Variants in NEK6 observed in about 807,000 individuals in gnomAD.
NEK6 encodes serine/threonine-protein kinase Nek6.
In NEK6, 27 loss-of-function variants were observed where a neutral mutation model predicts 43.5. The ratio of observed to expected loss-of-function variants is 0.62; its 90% CI spans 0.46 to 0.86. The LOEUF (loss-of-function observed/expected upper bound fraction) is 0.86. NEK6 is among the 40% of genes least tolerant of loss of function. The pLI is 0.00. For missense variants in NEK6, 318 were observed against 414.4 expected (o/e 0.77, Z 2.02); for synonymous variants, 167 against 164.1 (o/e 1.02, Z -0.14).
chr9:124,302,065 T>A lies in NEK6; in HGVS notation c.90+11T>A. The A allele has an allele frequency of 1.3e-6, 2 of 1,575,380 alleles. No individual in the cohort carries two copies. Among genetic ancestry groups the A allele is most frequent in the Non-Finnish European group, 1.7e-6 (2 of 1,154,548 alleles). On this transcript the variant is annotated intron_variant, in intron 2 of 9. Coordinates refer to ENST00000320246, the MANE Select transcript of NEK6 (RefSeq NM_014397.6). Reference sequence around the variant, plus strand: ...CCTCCTGACCCACAGGTAAGCCCCTTACCTTTGTCTGCAGCACACTGAAGA... The same window carrying A: ...CCTCCTGACCCACAGGTAAGCCCCTAACCTTTGTCTGCAGCACACTGAAGA...
chr9:124,321,575 C>T lies in NEK6; in HGVS notation c.405+6C>T, dbSNP rs776744815. 5 of 1,586,440 alleles carry T rather than the reference C, an allele frequency of 3.2e-6. No individual in the cohort carries two copies. Among genetic ancestry groups the T allele is most frequent in the East Asian group, 2.2e-5 (1 of 44,758 alleles). On this transcript the variant is annotated splice_donor_region_variant and intron_variant, in intron 5 of 9. Transcript: ENST00000320246. Reference sequence around the variant, plus strand: ...ACCTCTCGCAGATGATCAAGGTGAGCGCCTGGCGGGGTGGGGGTGCTGGGG... The same window carrying T: ...ACCTCTCGCAGATGATCAAGGTGAGTGCCTGGCGGGGTGGGGGTGCTGGGG...
chr9:124,336,950 C>T (rs888662017), intron 7 of NEK6, among the ~76,000 whole-genome samples: 5 of 150,682 alleles, frequency 3.3e-5, no homozygotes, highest in Admixed American at 2.0e-4. Flanking sequence ...CAGAGGTGAT[C>T]GCACCACTGC....
At chr9:124,258,426 C>T (rs1200169995) in intron 1 of NEK6, 3 of 859,338 alleles carry the variant, frequency 3.5e-6, no homozygotes, top group South Asian at 5.3e-5. Context: ...GGACGACGGG[C>T]GGAGGAGTGT....
chr9:124,273,724 A>G (rs1187195722), intron 1 of NEK6, among the ~76,000 whole-genome samples: 1 of 152,236 alleles, frequency 6.6e-6, no homozygotes, highest in Non-Finnish European at 1.5e-5. Context: ...TGAGGAGGCT[A>G]AAGACTTCAG....
In NEK6 at chr9:124,343,063, GTCC is replaced by G. The variant is rs1829729388; in HGVS notation, c.717+3405_717+3407del. ...GCCTCACTGAATTCTGGCTCGGGCAGTCCTCCTCCGAGTCCTCATTTGTGGGCA... is the reference window on the plus strand; with the variant it reads ...GCCTCACTGAATTCTGGCTCGGGCAGTCCTCCGAGTCCTCATTTGTGGGCA... On this transcript the variant is annotated intron_variant, in intron 8 of 9. Coordinates refer to ENST00000320246, the MANE Select transcript of NEK6 (RefSeq NM_014397.6). This position sits in a 1 kb window ranked among gnomAD's most constrained non-coding sequence, Gnocchi z 5.1. Among the ~76,000 whole-genome samples the G allele has an allele frequency of 1.3e-5, 2 of 152,200 alleles. No individual in the cohort carries two copies. Among genetic ancestry groups the G allele is most frequent in the Non-Finnish European group, 2.9e-5 (2 of 68,032 alleles).
chr9:124,287,377 A>G (rs1163638938), intron 1 of NEK6, among the ~76,000 whole-genome samples: 2 of 152,162 alleles, frequency 1.3e-5, no homozygotes, highest in South Asian at 4.1e-4. Flanking sequence ...CCACCTTGCT[A>G]CCCGCTGGTA....
intron 5 of NEK6, 50 bp downstream of exon 5, chr9:124,321,619 C>A: frequency 8.4e-7 from 1 of 1,188,246 alleles, no homozygotes; most frequent in Non-Finnish European, 1.3e-6. Flanking sequence ...GATCTGGAGC[C>A]AAAGGTGGCA....
intron 2 of NEK6, among the ~76,000 whole-genome samples, chr9:124,311,920 C>T (rs914468218): frequency 2.6e-5 from 4 of 152,222 alleles, no homozygotes; most frequent in African/African-American, 9.6e-5. Context: ...GAACTCCTGA[C>T]CTCTCGAACT....
intron 7 of NEK6, among the ~76,000 whole-genome samples, chr9:124,336,631 A>C (rs1829306535): frequency 6.6e-6 from 1 of 152,122 alleles, no homozygotes; most frequent in Admixed American, 6.5e-5. Flanking sequence ...CTCACCACAG[A>C]GACTGGTGAG....
intron 1 of NEK6, among the ~76,000 whole-genome samples, chr9:124,291,162 A>G (rs533469691): frequency 6.6e-6 from 1 of 152,150 alleles, no homozygotes; most frequent in African/African-American, 2.4e-5. Flanking sequence ...CGGGCAGTAG[A>G]TACTACCCTT....
chr9:124,304,869 T>TAATG (rs983087601), intron 2 of NEK6, among the ~76,000 whole-genome samples: 4 of 152,240 alleles, frequency 2.6e-5, no homozygotes, highest in African/African-American at 9.6e-5. Flanking sequence ...TAGAGGTTTC[T>TAATG]AATGAATGAA....
intron 3 of NEK6, among the ~76,000 whole-genome samples, chr9:124,313,630 G>C (rs2130868068): frequency 6.6e-6 from 1 of 152,276 alleles, no homozygotes; most frequent in South Asian, 2.1e-4. Context: ...AGCCTCGCTG[G>C]GATTACAGGT....
intron 1 of NEK6, among the ~76,000 whole-genome samples, chr9:124,294,309 C>T (rs985264899): frequency 2.2e-4 from 34 of 152,164 alleles, no homozygotes; most frequent in Admixed American, 1.7e-3. Flanking sequence ...TCTGCCTGGG[C>T]GTGGTAGTCC....
intron 7 of NEK6, among the ~76,000 whole-genome samples, chr9:124,339,080 G>A (rs1316322009): frequency 7.0e-6 from 1 of 143,634 alleles, no homozygotes; most frequent in African/African-American, 2.6e-5. Flanking sequence ...CCAGGCTGGA[G>A]TGCAGTGGCG....
chr9:124,321,193 C>T (rs1158526451), intron 4 of NEK6, among the ~76,000 whole-genome samples: 3 of 152,230 alleles, frequency 2.0e-5, no homozygotes, highest in Non-Finnish European at 4.4e-5. Context: ...AGTATTGACC[C>T]ATGTCGTCTT....
chr9:124,310,080 G>C (rs1428126428), intron 2 of NEK6, among the ~76,000 whole-genome samples: 4 of 152,184 alleles, frequency 2.6e-5, no homozygotes, highest in Non-Finnish European at 5.9e-5. Context: ...GCCGAGGAGG[G>C]ATCTGAGCTG....
In NEK6 at chr9:124,257,971, C is replaced by G. The variant is rs1276377094; in HGVS notation, c.-144C>G. The G allele has an allele frequency of 8.2e-6, 8 of 978,580 alleles. No individual in the cohort carries two copies. The highest frequency in any genetic ancestry group is 9.7e-6 in the Non-Finnish European group (8 of 827,422). 60.6% of individuals were successfully genotyped at this position (978,580 alleles called of 1,614,324 possible). A position where few individuals can be genotyped will look rare whatever the true frequency, so the allele number is the denominator to read the frequency against. Reference sequence around the variant, plus strand: ...CAGGCGGTGGCGGCGGCGGCGGAACCGAGCTGACGGGCGTGCGGCCGCTGC... The same window carrying G: ...CAGGCGGTGGCGGCGGCGGCGGAACGGAGCTGACGGGCGTGCGGCCGCTGC... On this transcript the variant is annotated 5_prime_UTR_variant, in exon 1 of 10. Coordinates refer to ENST00000320246, the MANE Select transcript of NEK6 (RefSeq NM_014397.6).
rs1290364170 is a variant in NEK6 at position 124,302,017 on chromosome 9, G to A, written c.53G>A (p.Cys18Tyr). ...MPHGGSSNNL[C>Y]HTLGPVHPPD... ...CATGGAGGGAGTTCCAACAACCTCT[G>A]CCACACCCTGGGGCCTGTGCATCCT... Residue 18 changes from cysteine (C) to tyrosine (Y), a missense_variant, in exon 2 of 10, where the codon TGC becomes TAC. By Grantham distance (194) the Cys-to-Tyr change is radical. Transcript: ENST00000320246. 2 of 1,605,816 alleles carry A rather than the reference G, an allele frequency of 1.2e-6. No individual in the cohort carries two copies. The highest frequency in any genetic ancestry group is 1.3e-5 in the African/African-American group (1 of 74,856).
intron 1 of NEK6, among the ~76,000 whole-genome samples, chr9:124,300,911 T>C (rs1375173065): frequency 6.6e-6 from 1 of 152,192 alleles, no homozygotes; most frequent in East Asian, 1.9e-4. Flanking sequence ...ACATGAGAGG[T>C]GCCCCTCGGG....
Sources: gnomAD v4.1 joint callset for allele counts (sites outside exome capture counted in the v4.1 genomes callset) on GRCh38, gnomAD v4.1.1 for gene constraint, Gnocchi (gnomAD v3.1) non-coding constraint, MANE v1.5 for transcripts, NCBI Gene and HGNC (gene_info 2026-07-23, HGNC 2026-07-21) for gene names.